Variants in MCC observed in about 807,000 individuals in gnomAD.
MCC encodes colorectal mutant cancer protein.
In MCC, 90 loss-of-function variants were observed where a neutral mutation model predicts 116.2. The ratio of observed to expected loss-of-function variants is 0.77; its 90% CI spans 0.65 to 0.92. The LOEUF (loss-of-function observed/expected upper bound fraction) is 0.92. MCC is among the 40% of genes least tolerant of loss of function. The probability of loss-of-function intolerance (pLI) is 0.00; values close to 1 mark genes in which losing one functional copy is unlikely to be tolerated. For missense variants in MCC, 1,516 were observed against 1,312.2 expected (o/e 1.16, Z -2.40); for synonymous variants, 578 against 510.5 (o/e 1.13, Z -1.78).
At chr5:113,120,743 T>C (rs888688252) in intron 6 of MCC, among the ~76,000 whole-genome samples, 7 of 152,228 alleles carry the variant, frequency 4.6e-5, no homozygotes, top group African/African-American at 1.7e-4. Context: ...AACGTGATAG[T>C]AAGATACAAA....
intron 6 of MCC, among the ~76,000 whole-genome samples, chr5:113,112,244 T>C (rs576795764): frequency 6.6e-6 from 1 of 152,318 alleles, no homozygotes; most frequent in South Asian, 2.1e-4. Flanking sequence ...TTGCCTTTGA[T>C]AGGGCTTGGG....
intron 3 of MCC, among the ~76,000 whole-genome samples, chr5:113,219,928 C>T (rs998945210): frequency 3.9e-5 from 6 of 151,952 alleles, no homozygotes; most frequent in Admixed American, 2.0e-4. Context: ...AACATCCTCC[C>T]GGTCAGTGCC....
intron 17 of MCC, among the ~76,000 whole-genome samples, chr5:113,035,878 TTTAC>T (rs1187462515): frequency 6.6e-6 from 1 of 152,188 alleles, no homozygotes; most frequent in Non-Finnish European, 1.5e-5. Flanking sequence ...CACCACAATG[TTTAC>T]TTATTTTTTA....
intron 2 of MCC, among the ~76,000 whole-genome samples, chr5:113,350,788 A>C (rs1326970857): frequency 3.9e-5 from 6 of 152,164 alleles, no homozygotes; most frequent in African/African-American, 1.4e-4. Context: ...TACCCATTTG[A>C]CAAGAGAATA....
chr5:113,314,271 A>G (rs1767220174), intron 3 of MCC, among the ~76,000 whole-genome samples: 1 of 152,240 alleles, frequency 6.6e-6, no homozygotes, highest in Admixed American at 6.5e-5. Flanking sequence ...AAAATGATAG[A>G]ATAGACAAAT....
chr5:113,348,369 T>G (rs956136051), intron 2 of MCC, among the ~76,000 whole-genome samples: 7 of 152,118 alleles, frequency 4.6e-5, no homozygotes, highest in Non-Finnish European at 1.0e-4. Flanking sequence ...AAGCATCTTC[T>G]TTGACCACAA....
At chr5:113,049,072 C>G in intron 16 of MCC, 21 bp downstream of exon 16, 1 of 1,613,346 alleles carries the variant, frequency 6.2e-7, no homozygotes, top group Non-Finnish European at 8.5e-7. Flanking sequence ...TAAGGGTGTC[C>G]CCAAGCCACT....
At chr5:113,223,580 G>T (rs921746941) in intron 3 of MCC, among the ~76,000 whole-genome samples, 1 of 152,202 alleles carries the variant, frequency 6.6e-6, no homozygotes, top group Non-Finnish European at 1.5e-5. Flanking sequence ...TGGAAGTAGG[G>T]ACTGGAAAGG....
chr5:113,379,438 C>T (rs545149160), intron 2 of MCC, among the ~76,000 whole-genome samples: 1 of 152,206 alleles, frequency 6.6e-6, no homozygotes, highest in Non-Finnish European at 1.5e-5. Flanking sequence ...CTAAATCTTT[C>T]CAACTTCCCT....
intron 6 of MCC, among the ~76,000 whole-genome samples, chr5:113,114,358 C>T (rs182429101): frequency 6.6e-6 from 1 of 152,344 alleles, no homozygotes; most frequent in East Asian, 1.9e-4. Context: ...GCCACCAGAA[C>T]TGGAGAGCTC....
chr5:113,077,694 A>G (rs189460799), intron 11 of MCC, among the ~76,000 whole-genome samples: 114 of 152,358 alleles, frequency 7.5e-4, no homozygotes, highest in African/African-American at 2.7e-3. Context: ...AATGCCTACA[A>G]GAGAAAGCAG....
intron 3 of MCC, among the ~76,000 whole-genome samples, chr5:113,203,844 A>G (rs1263752057): frequency 2.0e-5 from 3 of 152,240 alleles, no homozygotes; most frequent in African/African-American, 7.2e-5. Flanking sequence ...GCAACATGGC[A>G]TTTCATTGTC....
intron 1 of MCC, among the ~76,000 whole-genome samples, chr5:113,411,555 G>A (rs1769992490): frequency 6.8e-6 from 1 of 146,408 alleles, no homozygotes; most frequent in South Asian, 2.1e-4. Context: ...TAAGTTTCAG[G>A]AGCGATTTTT....
rs1394035522 is a variant in MCC, at chr5:113,022,450, AAAT to A, written c.*4849_*4851del. 4.6e-5 allele frequency: 7 copies of A among 152,796 alleles called. No individual in the cohort carries two copies. In the East Asian group the frequency reaches 5.8e-4, roughly 13 times the overall value. 9.5% of individuals were successfully genotyped at this position (152,796 alleles called of 1,614,324 possible). A position where few individuals can be genotyped will look rare whatever the true frequency, so the allele number is the denominator to read the frequency against. The stretch of plus-strand genomic sequence containing the variant: ...TAATTCAAGTGTATAGCACATATTC[AAAT>A]AATAGGAAACAAATCTCATGCAAAG... On this transcript the variant is annotated 3_prime_UTR_variant, in exon 19 of 19. Coordinates refer to ENST00000408903, the MANE Select transcript of MCC (RefSeq NM_001085377.2).
chr5:113,340,679 T>A lies in MCC; in HGVS notation c.467A>T (p.Asp156Val). ...GCTCTGCACATCCGGGCTCTGGAGG[T>A]CCCTGGCACCAGAGTCGTATTCCCA... The part of the protein sequence containing the change: ...ESWEYDSGAR[D>V]LQSPDVQSQS... Residue 156 changes from aspartate to valine, a missense_variant, in exon 3 of 19, where the codon GAC (aspartate) becomes GTC (valine). Coordinates refer to ENST00000408903, the MANE Select transcript of MCC (RefSeq NM_001085377.2). 6.2e-7 allele frequency: 1 copy of A among 1,613,878 alleles called. No homozygotes were observed. The highest frequency in any genetic ancestry group is 8.5e-7 in the Non-Finnish European group (1 of 1,179,992).
chr5:113,334,034 A>C (rs1767811597), intron 3 of MCC, among the ~76,000 whole-genome samples: 1 of 145,344 alleles, frequency 6.9e-6, no homozygotes, highest in Non-Finnish European at 1.5e-5. Flanking sequence ...TACATCAATT[A>C]ATACTTTTAT....
intron 1 of MCC, among the ~76,000 whole-genome samples, chr5:113,440,159 GTCTC>G (rs1770992291): frequency 6.6e-6 from 1 of 152,166 alleles, no homozygotes; most frequent in South Asian, 2.1e-4. Context: ...GCCCTTACTG[GTCTC>G]TCTACTTCCA....
At chr5:113,464,981 G>A (rs540433797) in intron 1 of MCC, among the ~76,000 whole-genome samples, 32 of 152,152 alleles carry the variant, frequency 2.1e-4, no homozygotes, top group African/African-American at 6.7e-4. Flanking sequence ...AAATTGGCTT[G>A]CAGAGATATC....
chr5:113,433,775 T>C, intron 1 of MCC: 6 of 1,613,898 alleles, frequency 3.7e-6, no homozygotes, highest in Non-Finnish European at 5.1e-6. Flanking sequence ...GGGGGGGCCC[T>C]TCCTCTGTCT....
Sources: gnomAD v4.1 joint callset for allele counts (sites outside exome capture counted in the v4.1 genomes callset) on GRCh38, gnomAD v4.1.1 for gene constraint, MANE v1.5 for transcripts, NCBI Gene and HGNC (gene_info 2026-07-23, HGNC 2026-07-21) for gene names.